Variants in PRICKLE2 observed in about 807,000 individuals in gnomAD.
PRICKLE2 encodes the protein prickle planar cell polarity protein 2.
In PRICKLE2, 21 loss-of-function variants were observed where a neutral mutation model predicts 81.4. The observed-to-expected ratio is 0.26, with a 90% CI of 0.18 to 0.37. PRICKLE2 has a LOEUF of 0.37. Among genes scored for constraint, PRICKLE2 ranks in the 10% least tolerant of loss-of-function variants. The probability of loss-of-function intolerance (pLI) is 1.00; values close to 1 mark genes in which losing one functional copy is unlikely to be tolerated. For synonymous variants in PRICKLE2, 456 were observed against 421.5 expected (o/e 1.08, Z -1.00); for missense variants, 940 against 1,109.0 (o/e 0.85, Z 2.16).
At chr3:64,162,918 T>C in intron 3 of PRICKLE2, 98 bp downstream of exon 3, 1 of 847,348 alleles carries the variant, frequency 1.2e-6, no homozygotes, top group African/African-American at 1.7e-5. Flanking sequence ...TTGCCAGAGT[T>C]CTTCTTCGGC....
At chr3:64,196,046 G>A (rs1436854617) in intron 2 of PRICKLE2, among the ~76,000 whole-genome samples, 2 of 152,180 alleles carry the variant, frequency 1.3e-5, no homozygotes, top group African/African-American at 4.8e-5. Context: ...AGACATTTCA[G>A]ATTTATGCTT....
At chr3:64,260,568 T>C (rs1006588550) in intron 2 of PRICKLE2, among the ~76,000 whole-genome samples, 18 of 152,208 alleles carry the variant, frequency 1.2e-4, no homozygotes, top group African/African-American at 4.1e-4. Context: ...AGTAACTCAA[T>C]GAACAGTCCA....
At chr3:64,191,751 G>T (rs1023692833) in intron 2 of PRICKLE2, among the ~76,000 whole-genome samples, 26 of 152,186 alleles carry the variant, frequency 1.7e-4, no homozygotes, top group Admixed American at 6.5e-5. Flanking sequence ...ACTTTACTGT[G>T]GTCAGAAAGT....
At chr3:64,104,346 G>A (rs2076720139) in intron 7 of PRICKLE2, 1 of 152,250 alleles carries the variant, frequency 6.6e-6, no homozygotes, top group Non-Finnish European at 1.5e-5. Flanking sequence ...TCAAACTCAT[G>A]TCTAGAAACA....
rs1027445656 is a variant in PRICKLE2 at position 64,147,851 on chromosome 3, T to C, written c.788-149A>G. The C allele has an allele frequency of 1.4e-5, 12 of 839,908 alleles. No homozygotes were observed. The highest frequency in any genetic ancestry group is 1.9e-5 in the Non-Finnish European group (10 of 513,228). 52.0% of individuals were successfully genotyped at this position (839,908 alleles called of 1,614,324 possible). A position where few individuals can be genotyped will look rare whatever the true frequency, so the allele number is the denominator to read the frequency against. Reference sequence around the variant, plus strand: ...ATCAACAATCAGACCCTTATGTAAATGGTATTCACGTCCTATTACGAGAAG... The same window carrying C: ...ATCAACAATCAGACCCTTATGTAAACGGTATTCACGTCCTATTACGAGAAG... On this transcript the variant is annotated intron_variant, in intron 6 of 7. Coordinates refer to ENST00000638394, the MANE Select transcript of PRICKLE2 (RefSeq NM_198859.4). This position sits in a 1 kb window ranked among gnomAD's most constrained non-coding sequence, Gnocchi z 5.0.
At chr3:64,192,825 T>C (rs1232306025) in intron 2 of PRICKLE2, among the ~76,000 whole-genome samples, 1 of 152,174 alleles carries the variant, frequency 6.6e-6, no homozygotes, top group Admixed American at 6.5e-5. Flanking sequence ...ATGGTCAAGG[T>C]AAAATTACTA....
chr3:64,237,353 C>A (rs1271208117), intron 2 of PRICKLE2, among the ~76,000 whole-genome samples: 1 of 151,982 alleles, frequency 6.6e-6, no homozygotes, highest in Non-Finnish European at 1.5e-5. Flanking sequence ...GATTTTATTG[C>A]CAATTAAAGT....
chr3:64,198,913 C>T lies in PRICKLE2; in HGVS notation c.15G>A (p.Met5Ile). MVTV[M>I]PLEMEKTISK... ...TGATGGTCTTCTCCATCTCCAGCGGCATCACTGTCACCATGTGCTCCTCCT... is the reference window on the plus strand; with the variant it reads ...TGATGGTCTTCTCCATCTCCAGCGGTATCACTGTCACCATGTGCTCCTCCT... Residue 5 changes from methionine to isoleucine, a missense_variant, in exon 2 of 8, where the codon ATG (methionine) becomes ATA (isoleucine). Coordinates refer to ENST00000638394, the MANE Select transcript of PRICKLE2 (RefSeq NM_198859.4). 1 of 1,614,196 alleles carries T rather than the reference C, an allele frequency of 6.2e-7. No individual in the cohort carries two copies. Among genetic ancestry groups the T allele is most frequent in the South Asian group, 1.1e-5 (1 of 91,080 alleles).
At chr3:64,224,119 G>T (rs1440680488) in intron 1 of PRICKLE2, among the ~76,000 whole-genome samples, 1 of 152,162 alleles carries the variant, frequency 6.6e-6, no homozygotes, top group African/African-American at 2.4e-5. Context: ...ACCAGCGGAT[G>T]GCATCACATC....
intron 2 of PRICKLE2, among the ~76,000 whole-genome samples, chr3:64,176,434 T>C (rs906835329): frequency 3.3e-5 from 5 of 152,218 alleles, no homozygotes; most frequent in Admixed American, 2.0e-4. Flanking sequence ...ATTACCCTCC[T>C]CTATTACTAT....
intron 2 of PRICKLE2, among the ~76,000 whole-genome samples, chr3:64,263,549 G>C (rs1447903427): frequency 1.3e-5 from 2 of 152,114 alleles, no homozygotes; most frequent in Non-Finnish European, 2.9e-5. Context: ...ACTCAGAATG[G>C]GGGGATATAC....
At chr3:64,252,672 C>A (rs2079465038) in intron 2 of PRICKLE2, among the ~76,000 whole-genome samples, 1 of 152,148 alleles carries the variant, frequency 6.6e-6, no homozygotes, top group Admixed American at 6.5e-5. Flanking sequence ...GCATGGGAGT[C>A]AGGAAACTTT....
intron 2 of PRICKLE2, among the ~76,000 whole-genome samples, chr3:64,170,937 G>T (rs146966089): frequency 1.3e-5 from 2 of 152,090 alleles, no homozygotes; most frequent in African/African-American, 4.8e-5. Flanking sequence ...AACAACCCTG[G>T]ATTATCTCCC....
rs1046808422 is a variant in PRICKLE2, at chr3:64,252,651, G to A, written c.129-53684C>T. Among the ~76,000 whole-genome samples, 7 of 152,162 alleles carry A rather than the reference G, an allele frequency of 4.6e-5. No individual in the cohort carries two copies. In the South Asian group the frequency reaches 1.0e-3, roughly 22 times the overall value. On this transcript the variant is annotated intron_variant, in intron 2 of 8. Coordinates refer to the PRICKLE2 transcript ENST00000295902. ...TAAACCAGGACCCAGGACGCATGACGGTGGGAAGAGGCATGGGAGTCAGGA... is the reference window on the plus strand; with the variant it reads ...TAAACCAGGACCCAGGACGCATGACAGTGGGAAGAGGCATGGGAGTCAGGA...
At chr3:64,209,853 G>A (rs754164426) in intron 1 of PRICKLE2, among the ~76,000 whole-genome samples, 2 of 152,230 alleles carry the variant, frequency 1.3e-5, no homozygotes, top group Non-Finnish European at 2.9e-5. Flanking sequence ...CAGAAAGAGA[G>A]GAACTGAGGA....
chr3:64,184,721 C>A (rs1038299381), intron 2 of PRICKLE2, among the ~76,000 whole-genome samples: 1 of 152,118 alleles, frequency 6.6e-6, no homozygotes, highest in African/African-American at 2.4e-5. Context: ...ATCATTCAAG[C>A]GATCCTCCTG....
chr3:64,162,282 T>C (rs958795616), intron 3 of PRICKLE2, among the ~76,000 whole-genome samples: 8 of 152,178 alleles, frequency 5.3e-5, no homozygotes, highest in African/African-American at 1.9e-4. Context: ...GATTACTATT[T>C]TGAAAAACCA....
At chr3:64,194,802 C>T (rs1198863110) in intron 2 of PRICKLE2, among the ~76,000 whole-genome samples, 1 of 152,142 alleles carries the variant, frequency 6.6e-6, no homozygotes, top group Non-Finnish European at 1.5e-5. Flanking sequence ...ATCCTGTAAT[C>T]TCAGCACTTT....
intron 3 of PRICKLE2, among the ~76,000 whole-genome samples, chr3:64,161,356 G>A (rs903575866): frequency 1.3e-5 from 2 of 152,172 alleles, no homozygotes; most frequent in Non-Finnish European, 2.9e-5. Flanking sequence ...ACATCAGAAA[G>A]GTTAAGTGAA....
Sources: allele counts gnomAD v4.1 joint callset (sites outside exome capture counted in the v4.1 genomes callset), GRCh38; gene constraint gnomAD v4.1.1; non-coding constraint Gnocchi (gnomAD v3.1); transcripts MANE v1.5; gene names NCBI Gene and HGNC (gene_info 2026-07-23, HGNC 2026-07-21).